The following DGKI variants were observed in gnomAD, a reference collection of about 807,000 sequenced individuals.
The protein encoded by DGKI is diacylglycerol kinase iota.
DGKI carries 55 observed loss-of-function variants against 147.5 expected under a neutral mutation model. The ratio of observed to expected loss-of-function variants is 0.37; its 90% CI spans 0.30 to 0.47. The LOEUF (loss-of-function observed/expected upper bound fraction) is 0.47. DGKI is among the 20% of genes least tolerant of loss of function. The pLI, the probability that DGKI is intolerant of heterozygous loss-of-function variation, is 1.00. For missense variants in DGKI, 1,007 were observed against 1,323.8 expected, an observed-to-expected ratio of 0.76 and a Z score of 3.71; for synonymous variants, 469 against 477.1, an observed-to-expected ratio of 0.98 and a Z score of 0.22.
chr7:137,590,708 T>C (rs966940808), intron 12 of DGKI, among the ~76,000 whole-genome samples: 1 of 152,138 alleles, frequency 6.6e-6, no homozygotes, highest in African/African-American at 2.4e-5. Context: ...GTTTTTTTTG[T>C]CTTTTTTGAG....
rs1411164843 is a variant in DGKI, at chr7:137,463,605, T to A, written c.2619A>T (p.Ser873=). The part of the protein sequence containing the change: ...DLVVEQASGI[S]DWWNPALRKR... ...TCCGCAGGGCAGGATTCCACCAGTC[T>A]GAGATCCTGAGAGAAAGAAGGGCAC... Residue 873 remains serine (S), a synonymous_variant, in exon 27 of 33, where the codon TCA becomes TCT. Transcript: ENST00000614521. The A allele has an allele frequency of 6.2e-7, 1 of 1,613,868 alleles. No individual in the cohort carries two copies. The highest frequency in any genetic ancestry group is 8.5e-7 in the Non-Finnish European group (1 of 1,179,938).
At position 137,382,490 on chromosome 7, in the gene DGKI, C is replaced by T. The variant is rs915215959; in HGVS notation, c.*8730G>A. 5 of 151,842 alleles carry T rather than the reference C, an allele frequency of 3.3e-5. No individual in the cohort carries two copies. The highest frequency in any genetic ancestry group is 5.9e-5 in the Non-Finnish European group (4 of 67,926). 9.4% of individuals were successfully genotyped at this position (151,842 alleles called of 1,614,324 possible). ...TCTTCTATTAGCTGACCCTACTTCC[C>T]CCAAGTTCCACACACAATCTAATTC... is the stretch of plus-strand genomic sequence containing the variant. On this transcript the variant is annotated 3_prime_UTR_variant, in exon 33 of 33. Coordinates refer to ENST00000614521, the MANE Select transcript of DGKI (RefSeq NM_001321708.2).
chr7:137,809,056 C>G (rs1797477686), intron 1 of DGKI, among the ~76,000 whole-genome samples: 1 of 152,176 alleles, frequency 6.6e-6, no homozygotes, highest in Non-Finnish European at 1.5e-5. Flanking sequence ...GAGAGTTTGA[C>G]AAGCTTCCTT....
At chr7:137,679,219 C>A (rs73731004) in intron 2 of DGKI, among the ~76,000 whole-genome samples, 1 of 152,164 alleles carries the variant, frequency 6.6e-6, no homozygotes, top group African/African-American at 2.4e-5. Flanking sequence ...TAATTCACAT[C>A]TTACTAATTC....
chr7:137,839,511 T>C (rs1399555664), intron 1 of DGKI, among the ~76,000 whole-genome samples: 1 of 152,222 alleles, frequency 6.6e-6, no homozygotes, highest in Non-Finnish European at 1.5e-5. Flanking sequence ...CTCATTTAAA[T>C]GTCAAATAAT....
At chr7:137,812,617 C>G (rs768882635) in intron 1 of DGKI, among the ~76,000 whole-genome samples, 4 of 152,120 alleles carry the variant, frequency 2.6e-5, no homozygotes, top group Non-Finnish European at 5.9e-5. Context: ...TATTCCAAGC[C>G]CTTTCCATAT....
intron 1 of DGKI, among the ~76,000 whole-genome samples, chr7:137,712,455 G>A (rs924318886): frequency 6.6e-6 from 1 of 152,128 alleles, no homozygotes; most frequent in Non-Finnish European, 1.5e-5. Context: ...TTCTAGTAAT[G>A]ATCTCAAGAA....
chr7:137,756,484 A>T (rs1795686318), intron 1 of DGKI, among the ~76,000 whole-genome samples: 1 of 152,252 alleles, frequency 6.6e-6, no homozygotes, highest in African/African-American at 2.4e-5. Flanking sequence ...AAATCTTACA[A>T]TGTGAGAAAG....
intron 20 of DGKI, among the ~76,000 whole-genome samples, chr7:137,535,850 C>T (rs1404625631): frequency 1.3e-5 from 2 of 152,154 alleles, no homozygotes; most frequent in Non-Finnish European, 2.9e-5. Flanking sequence ...GATTCCTCCA[C>T]TGTGGATGTC....
intron 4 of DGKI, 149 bp downstream of exon 4, chr7:137,656,317 T>C: frequency 3.8e-6 from 3 of 779,722 alleles, no homozygotes; most frequent in South Asian, 1.7e-5. Flanking sequence ...AACATTGTCT[T>C]TCCATTAGTA....
At position 137,382,465 on chromosome 7, in the gene DGKI, T is replaced by A. The variant is rs1412084894; in HGVS notation, c.*8755A>T. On this transcript the variant is annotated 3_prime_UTR_variant, in exon 33 of 33. Coordinates refer to ENST00000614521, the MANE Select transcript of DGKI (RefSeq NM_001321708.2). Reference sequence around the variant, plus strand: ...CCTTTGGAAAGCTCCATTAAAAAGTTCTTCTATTAGCTGACCCTACTTCCC... The same window carrying A: ...CCTTTGGAAAGCTCCATTAAAAAGTACTTCTATTAGCTGACCCTACTTCCC... The A allele has an allele frequency of 6.6e-5, 10 of 152,102 alleles. No homozygotes were observed. Among genetic ancestry groups the A allele is most frequent in the African/African-American group, 1.9e-4 (8 of 41,440 alleles). 9.4% of individuals were successfully genotyped at this position (152,102 alleles called of 1,614,324 possible). A position where few individuals can be genotyped will look rare whatever the true frequency, so the allele number is the denominator to read the frequency against.
At chr7:137,776,852 AAGG>A (rs1221031645) in intron 1 of DGKI, among the ~76,000 whole-genome samples, 3 of 152,042 alleles carry the variant, frequency 2.0e-5, no homozygotes, top group Non-Finnish European at 2.9e-5. Context: ...TACATGAGAA[AAGG>A]AGGAGTAATG....
chr7:137,423,078 G>C (rs529567940), intron 28 of DGKI, among the ~76,000 whole-genome samples: 2 of 152,260 alleles, frequency 1.3e-5, no homozygotes, highest in South Asian at 2.1e-4. Flanking sequence ...ATAATGTTGA[G>C]AGAGTTTAAT....
intron 3 of DGKI, among the ~76,000 whole-genome samples, chr7:137,667,493 C>T (rs535307311): frequency 3.8e-4 from 58 of 152,118 alleles, no homozygotes; most frequent in African/African-American, 1.4e-3. Flanking sequence ...CTTTTTCAGT[C>T]CTTGCTGGTG....
At chr7:137,581,757 A>C in intron 15 of DGKI, 93 bp downstream of exon 15, 8 of 1,030,304 alleles carry the variant, frequency 7.8e-6, no homozygotes, top group Non-Finnish European at 1.2e-5. Context: ...AGCACACTGT[A>C]AACGCGTAAG....
intron 23 of DGKI, among the ~76,000 whole-genome samples, chr7:137,477,370 G>A (rs997124344): frequency 6.6e-6 from 1 of 152,114 alleles, no homozygotes; most frequent in Admixed American, 6.5e-5. Flanking sequence ...TATGTTTTTA[G>A]CATGTTGCAT....
chr7:137,470,358 T>C (rs753027601), intron 23 of DGKI, among the ~76,000 whole-genome samples: 30 of 152,148 alleles, frequency 2.0e-4, no homozygotes, highest in Non-Finnish European at 3.4e-4. Context: ...TTCTTTCCTC[T>C]GGGTTCGGAT....
At chr7:137,837,538 T>G (rs953039641) in intron 1 of DGKI, among the ~76,000 whole-genome samples, 1 of 152,188 alleles carries the variant, frequency 6.6e-6, no homozygotes, top group African/African-American at 2.4e-5. Flanking sequence ...GTGATGGTTC[T>G]AGAAGGTGGG....
intron 5 of DGKI, among the ~76,000 whole-genome samples, chr7:137,646,134 C>T (rs1200061676): frequency 2.6e-5 from 4 of 152,148 alleles, no homozygotes; most frequent in Non-Finnish European, 5.9e-5. Flanking sequence ...CAACAATATC[C>T]AGGTTCAATT....
Sources: gnomAD v4.1 joint callset for allele counts (sites outside exome capture counted in the v4.1 genomes callset) on GRCh38, gnomAD v4.1.1 for gene constraint, MANE v1.5 for transcripts, NCBI Gene and HGNC (gene_info 2026-07-23, HGNC 2026-07-21) for gene names.